The following ANOS1 variants were observed in gnomAD, a reference collection of about 807,000 sequenced individuals.
The protein encoded by ANOS1 is anosmin 1, also known as anosmin-1.
A neutral mutation model predicts 59.0 loss-of-function variants in ANOS1; 6 were observed. The ratio of observed to expected loss-of-function variants is 0.10; its 90% CI spans 0.06 to 0.20. The LOEUF (loss-of-function observed/expected upper bound fraction) is 0.20, where lower values mean the gene tolerates loss of function less well. ANOS1 is among the 10% of genes least tolerant of loss of function. The pLI, the probability that ANOS1 is intolerant of heterozygous loss-of-function variation, is 1.00. For missense variants in ANOS1, 433 were observed against 542.3 expected, an observed-to-expected ratio of 0.80 and a Z score of 2.00; for synonymous variants, 217 against 223.4, an observed-to-expected ratio of 0.97 and a Z score of 0.25.
At chrX:8,565,782 C>G (rs1930100526) in intron 8 of ANOS1, 1 of 114,720 alleles carries the variant, frequency 8.7e-6, no homozygotes, top group African/African-American at 3.2e-5. Flanking sequence ...AGGAGAGGAA[C>G]AGGTATGGGC....
chrX:8,715,904 G>T (rs191479211), intron 1 of ANOS1, among the ~76,000 whole-genome samples: 1 of 109,828 alleles, frequency 9.1e-6, no homozygotes, highest in South Asian at 4.0e-4. Flanking sequence ...TGAATCCCAG[G>T]ATCATCAGCA....
intron 1 of ANOS1, among the ~76,000 whole-genome samples, chrX:8,731,177 A>G (rs977664188): frequency 8.9e-6 from 1 of 112,115 alleles, no homozygotes; most frequent in African/African-American, 3.2e-5. Flanking sequence ...ACGCTAGTCC[A>G]GGGCAAGACC....
At chrX:8,649,575 T>C (rs1931817113) in intron 2 of ANOS1, among the ~76,000 whole-genome samples, 1 of 112,281 alleles carries the variant, frequency 8.9e-6, no homozygotes, top group Non-Finnish European at 1.9e-5. Context: ...GACAAGACTT[T>C]TGTCTTTGTC....
At chrX:8,689,269 T>C (rs901218364) in intron 2 of ANOS1, among the ~76,000 whole-genome samples, 2 of 111,495 alleles carry the variant, frequency 1.8e-5, no homozygotes, top group African/African-American at 6.5e-5. Flanking sequence ...TCTTCTTTTT[T>C]CTTTCCATTT....
chrX:8,724,402 A>G (rs758391091), intron 1 of ANOS1, among the ~76,000 whole-genome samples: 1 of 112,332 alleles, frequency 8.9e-6, no homozygotes, highest in South Asian at 3.7e-4. Context: ...GAAGGCAGAG[A>G]TAAGACCTGT....
Position 8,531,378 on chromosome X carries a change from C to G in ANOS1, c.*1617G>C, listed in dbSNP as rs1750341567. On this transcript the variant is annotated 3_prime_UTR_variant, in exon 14 of 14. Transcript: ENST00000262648. ...AGTTATCCACTCTTCCCAGGAATGGCCAGGCATCTGCATGAATTCAGGAAA... is the reference window on the plus strand; with the variant it reads ...AGTTATCCACTCTTCCCAGGAATGGGCAGGCATCTGCATGAATTCAGGAAA... 9.0e-6 allele frequency: 1 copy of G among 111,286 alleles called. No individual in the cohort carries two copies. Among genetic ancestry groups the G allele is most frequent in the Non-Finnish European group, 1.9e-5 (1 of 53,063 alleles). The allele number at this position is 111,286 out of a possible 1,213,427, so 9.2% of individuals were successfully genotyped here.
intron 6 of ANOS1, among the ~76,000 whole-genome samples, chrX:8,576,483 CACACACAT>C (rs1212886995): frequency 2.0e-5 from 2 of 102,328 alleles, no homozygotes; most frequent in Non-Finnish European, 3.9e-5. Context: ...CACACACACA[CACACACAT>C]ACACACACAC....
chrX:8,698,270 C>T (rs1569085488), intron 2 of ANOS1, among the ~76,000 whole-genome samples: 1 of 111,985 alleles, frequency 8.9e-6, no homozygotes, highest in African/African-American at 3.2e-5. Flanking sequence ...CATCTATGAT[C>T]CCTAGTGTAC....
At chrX:8,709,862 G>C (rs1325138136) in intron 1 of ANOS1, among the ~76,000 whole-genome samples, 2 of 111,942 alleles carry the variant, frequency 1.8e-5, no homozygotes, top group Non-Finnish European at 3.8e-5. Context: ...GTCCACCCTG[G>C]GAAAGGTAGT....
intron 2 of ANOS1, among the ~76,000 whole-genome samples, chrX:8,657,843 G>A (rs925486043): frequency 9.0e-6 from 1 of 111,127 alleles, no homozygotes; most frequent in Non-Finnish European, 1.9e-5. Flanking sequence ...AGGAAGAAGG[G>A]GAGTGAGGCA....
At chrX:8,586,398 A>G (rs1831105343) in intron 5 of ANOS1, among the ~76,000 whole-genome samples, 1 of 112,620 alleles carries the variant, frequency 8.9e-6, no homozygotes, top group Non-Finnish European at 1.9e-5. Flanking sequence ...AGACTTTGAG[A>G]AAACACTTTC....
At chrX:8,578,595 T>C (rs1164783286) in intron 6 of ANOS1, among the ~76,000 whole-genome samples, 1 of 112,104 alleles carries the variant, frequency 8.9e-6, no homozygotes, top group East Asian at 2.8e-4. Context: ...AAAACAATGC[T>C]GTCTGCTTCC....
intron 2 of ANOS1, among the ~76,000 whole-genome samples, chrX:8,647,728 C>A (rs1052048067): frequency 8.9e-6 from 1 of 112,015 alleles, no homozygotes; most frequent in Non-Finnish European, 1.9e-5. Context: ...CTCTTAGCTA[C>A]AAGCAGTAAG....
intron 3 of ANOS1, among the ~76,000 whole-genome samples, chrX:8,615,654 G>A (rs1260109182): frequency 9.0e-6 from 1 of 110,815 alleles, no homozygotes; most frequent in Non-Finnish European, 1.9e-5. Context: ...CCTGATTCCT[G>A]TTGCACTGAG....
intron 7 of ANOS1, 76 bp from the exon 8 acceptor site, chrX:8,568,452 T>C: frequency 1.0e-6 from 1 of 958,047 alleles, no homozygotes; most frequent in Non-Finnish European, 1.5e-6. Flanking sequence ...AAATCTCGTG[T>C]GTCATTATGA....
chrX:8,594,728 A>C (rs1930699225), intron 4 of ANOS1, among the ~76,000 whole-genome samples: 1 of 82,777 alleles, frequency 1.2e-5, no homozygotes, highest in Non-Finnish European at 2.3e-5. Context: ...ATATATCTAC[A>C]TATATATGTG....
At chrX:8,705,333 G>C (rs1293295039) in intron 1 of ANOS1, among the ~76,000 whole-genome samples, 1 of 111,828 alleles carries the variant, frequency 8.9e-6, no homozygotes, top group Non-Finnish European at 1.9e-5. Flanking sequence ...CACACACACA[G>C]ATGCACGCAT....
intron 1 of ANOS1, among the ~76,000 whole-genome samples, chrX:8,717,644 G>T (rs1188220892): frequency 9.0e-6 from 1 of 111,712 alleles, no homozygotes; most frequent in African/African-American, 3.3e-5. Context: ...TAGAAAGGGA[G>T]AGGGAAGAGG....
chrX:8,648,458 CAAAAAAAAA>C (rs765958124), intron 2 of ANOS1, among the ~76,000 whole-genome samples: 1 of 48,664 alleles, frequency 2.1e-5, no homozygotes, highest in African/African-American at 5.8e-5. Flanking sequence ...AAAATTCCGT[CAAAAAAAAA>C]AAAAAAAAAG....
Sources: allele counts gnomAD v4.1 joint callset (sites outside exome capture counted in the v4.1 genomes callset), GRCh38; gene constraint gnomAD v4.1.1; transcripts MANE v1.5; gene names NCBI Gene and HGNC (gene_info 2026-07-23, HGNC 2026-07-21).